Variants in CAPN10 observed in about 807,000 individuals in gnomAD.
The protein encoded by CAPN10 is calpain-10.
A neutral mutation model predicts 78.4 loss-of-function variants in CAPN10; 71 were observed. The observed-to-expected ratio is 0.91, with a 90% CI of 0.75 to 1.10. CAPN10 has a LOEUF of 1.10. CAPN10 is among the 50% of genes least tolerant of loss of function. The pLI is 0.00. For synonymous variants in CAPN10, 437 were observed against 407.2 expected (o/e 1.07, Z -0.88); for missense variants, 849 against 924.6 (o/e 0.92, Z 1.06).
intron 1 of CAPN10, 127 bp from the exon 2 acceptor site, chr2:240,589,216 C>G: frequency 7.9e-7 from 1 of 1,273,342 alleles, no homozygotes; most frequent in Non-Finnish European, 1.1e-6. Context: ...CTTCCTGTCC[C>G]TTTTTGGGTA....
At chr2:240,592,752 G>A (rs916125764) in intron 4 of CAPN10, 25 of 289,068 alleles carry the variant, frequency 8.6e-5, no homozygotes, top group Non-Finnish European at 1.3e-4. Context: ...CTTCCGCACC[G>A]CTTCTCACAC....
intron 9 of CAPN10, 65 bp downstream of exon 9, chr2:240,597,007 C>A: frequency 1.3e-6 from 2 of 1,590,416 alleles, no homozygotes; most frequent in Non-Finnish European, 1.7e-6. Context: ...TGCATCTTGG[C>A]CTCCATTGTC....
Position 240,587,024 on chromosome 2 carries a change from G to T in CAPN10, c.113G>T (p.Arg38Leu). The T allele has an allele frequency of 6.9e-7, 1 of 1,458,930 alleles. No individual in the cohort carries two copies. The highest frequency in any genetic ancestry group is 1.5e-5 in the African/African-American group (1 of 68,048). The allele number at this position is 1,458,930 out of a possible 1,614,324, so 90.4% of individuals were successfully genotyped here. Residue 38 changes from arginine (R) to leucine (L), a missense_variant, in exon 1 of 12, where the codon CGC becomes CTC. Transcript: ENST00000391984. ...CDLSTPLAQF[R>L]EDITWRRPQE... ...TTGTCTACGCCGCTGGCCCAGTTCC[G>T]CGAGGACATCACGTGGAGGCGGCCC...
chr2:240,591,691 A>G (rs967482342), intron 3 of CAPN10: 1 of 567,302 alleles, frequency 1.8e-6, no homozygotes, highest in Non-Finnish European at 3.1e-6. Flanking sequence ...CCCACACCGG[A>G]TGCCAGAGAG....
intron 8 of CAPN10, 62 bp from the exon 9 acceptor site, chr2:240,596,619 G>A: frequency 6.5e-7 from 1 of 1,534,548 alleles, no homozygotes; most frequent in Non-Finnish European, 8.8e-7. Flanking sequence ...AGGTGTCCAT[G>A]TGGGAACTGA....
Position 240,596,882 on chromosome 2 carries a change from G to T in CAPN10, c.1683G>T (p.Leu561=). ...GPGPRCVRIT[L]HQHCRPSDTE... is the part of the protein sequence containing the mutation. ...GCCCCCGCTGCGTCCGCATCACTCT[G>T]CATCAGCACTGCCGGCCCAGTGACA... The change falls in exon 9 of 12, where the codon CTG becomes CTT. Residue 561 remains leucine (L), a synonymous_variant. Transcript: ENST00000391984. 1.2e-6 allele frequency: 2 copies of T among 1,613,616 alleles called. No individual in the cohort carries two copies. The highest frequency in any genetic ancestry group is 1.7e-6 in the Non-Finnish European group (2 of 1,180,028).
At chr2:240,597,206 G>A (rs773572608) in intron 9 of CAPN10, among the ~76,000 whole-genome samples, 32 of 152,248 alleles carry the variant, frequency 2.1e-4, no homozygotes, top group Non-Finnish European at 3.5e-4. Context: ...AGAGGAGGTG[G>A]TGAGTGGGGA....
chr2:240,598,102 C>G lies in CAPN10; in HGVS notation c.1943+15C>G, dbSNP rs775374373. 7 of 1,596,630 alleles carry G rather than the reference C, an allele frequency of 4.4e-6. No individual in the cohort carries two copies. The highest frequency in any genetic ancestry group is 1.7e-4 in the Middle Eastern group (1 of 5,980). ...AGGATTGACAGGTGGGGCTCTGGGA[C>G]TTGGGGGCGGCCAGCTGGAGGCTGG... On this transcript the variant is annotated intron_variant, in intron 10 of 11. Coordinates refer to ENST00000391984, the MANE Select transcript of CAPN10 (RefSeq NM_023083.4).
chr2:240,594,983 GAGCC>G, intron 6 of CAPN10, 37 bp from the exon 7 acceptor site: 1 of 1,601,226 alleles, frequency 6.2e-7, no homozygotes, highest in East Asian at 2.2e-5. Context: ...GGCCAGCGAG[GAGCC>G]GTGTCCCACA....
intron 9 of CAPN10, 27 bp from the exon 10 acceptor site, chr2:240,597,861 C>G: frequency 6.4e-7 from 1 of 1,558,778 alleles, no homozygotes; most frequent in Non-Finnish European, 8.7e-7. Context: ...GGCTGGCCCC[C>G]TCAGTCTGAG....
At chr2:240,591,069 A>C in intron 3 of CAPN10, 58 bp downstream of exon 3, 2 of 1,523,254 alleles carry the variant, frequency 1.3e-6, no homozygotes, top group Non-Finnish European at 1.8e-6. Flanking sequence ...TGCCACTACC[A>C]TGGGCTGCCC....
chr2:240,596,346 A>G lies in CAPN10; in HGVS notation c.1306A>G (p.Arg436Gly), dbSNP rs1391354688. 2 of 1,610,576 alleles carry G rather than the reference A, an allele frequency of 1.2e-6. No homozygotes were observed. The highest frequency in any genetic ancestry group is 1.3e-5 in the African/African-American group (1 of 74,882). Residue 436 changes from arginine to glycine, a missense_variant, in exon 8 of 12, where the codon AGG becomes GGG. Arg to Gly is a moderately radical substitution (Grantham distance 125). Coordinates refer to ENST00000391984, the MANE Select transcript of CAPN10 (RefSeq NM_023083.4). ...AGAGAAGCGGCGGGTCAATCTGCCT[A>G]GGGTCCTGTCCATGCCCCCCGTGGC... ...KVEKRRVNLP[R>G]VLSMPPVAGT...
chr2:240,589,711 C>T (rs1193581674), intron 2 of CAPN10: 4 of 548,134 alleles, frequency 7.3e-6, no homozygotes, highest in Admixed American at 3.4e-5. Context: ...GTTCGCCCTG[C>T]TCTGTGCTCT....
chr2:240,592,680 A>T (rs2093109999), intron 4 of CAPN10: 2 of 358,102 alleles, frequency 5.6e-6, no homozygotes, highest in Admixed American at 7.9e-5. Flanking sequence ...CTTAGATGGA[A>T]CCACATGTGA....
chr2:240,596,872 G>A lies in CAPN10; in HGVS notation c.1673G>A (p.Arg558His), dbSNP rs372211070. 1.7e-5 allele frequency: 28 copies of A among 1,613,436 alleles called. No homozygotes were observed. Among genetic ancestry groups the A allele is most frequent in the East Asian group, 2.2e-5 (1 of 44,896 alleles). ...GAGGGCCCTGGCCCCCGCTGCGTCC[G>A]CATCACTCTGCATCAGCACTGCCGG... Reference protein sequence around the residue: ...VPEGPGPRCVRITLHQHCRPS... With the variant: ...VPEGPGPRCVHITLHQHCRPS... The change falls in exon 9 of 12, where the codon CGC becomes CAC. Residue 558 changes from arginine to histidine, a missense_variant. By Grantham distance (29) the Arg-to-His change is conservative (BLOSUM62 0). Coordinates refer to ENST00000391984, the MANE Select transcript of CAPN10 (RefSeq NM_023083.4).
Position 240,593,912 on chromosome 2 carries a change from G to A in CAPN10, c.695G>A (p.Arg232Gln), listed in dbSNP as rs201697135. The A allele has an allele frequency of 3.7e-5, 59 of 1,595,274 alleles. No homozygotes were observed. In the East Asian group the frequency reaches 6.1e-4, roughly 16 times the overall value. Residue 232 changes from arginine to glutamine, a missense_variant, in exon 5 of 12, where the codon CGG (arginine) becomes CAG (glutamine). Transcript: ENST00000391984. ...CCVLSPRAGA[R>Q]ELGEFHAFIV... ...TGCGCCATTCCTCATGCAGGTGCCCGGGAGCTGGGGGAGTTCCATGCCTTC... is the reference window on the plus strand; with the variant it reads ...TGCGCCATTCCTCATGCAGGTGCCCAGGAGCTGGGGGAGTTCCATGCCTTC...
chr2:240,591,860 C>T, intron 3 of CAPN10, 73 bp from the exon 4 acceptor site: 2 of 1,384,726 alleles, frequency 1.4e-6, no homozygotes, highest in South Asian at 2.5e-5. Flanking sequence ...TGGGGTGCTA[C>T]AGACCATGGG....
Position 240,596,301 on chromosome 2 carries a change from T to G in CAPN10, c.1279-18T>G. Reference sequence around the variant, plus strand: ...CCCGGCCGCTCCTCCACACTGAGCCTCCTGCACGTGCTCACAGGTAGAGAA... The same window carrying G: ...CCCGGCCGCTCCTCCACACTGAGCCGCCTGCACGTGCTCACAGGTAGAGAA... On this transcript the variant is annotated intron_variant, in intron 7 of 11. Transcript: ENST00000391984. 7 of 1,592,482 alleles carry G rather than the reference T, an allele frequency of 4.4e-6. No individual in the cohort carries two copies. Among genetic ancestry groups the G allele is most frequent in the Non-Finnish European group, 5.2e-6 (6 of 1,164,874 alleles).
intron 1 of CAPN10, among the ~76,000 whole-genome samples, chr2:240,589,109 T>C (rs1225382807): frequency 6.6e-6 from 1 of 152,130 alleles, no homozygotes; most frequent in African/African-American, 2.4e-5. Flanking sequence ...TGCTAGAGTT[T>C]GGGATTTTTC....
Sources: gnomAD v4.1 joint callset for allele counts (sites outside exome capture counted in the v4.1 genomes callset) on GRCh38, gnomAD v4.1.1 for gene constraint, MANE v1.5 for transcripts, NCBI Gene and HGNC (gene_info 2026-07-23, HGNC 2026-07-21) for gene names.